The following EPHB1 variants were observed in gnomAD, a reference collection of about 807,000 sequenced individuals.
EPHB1 encodes the protein ephrin type-B receptor 1.
A neutral mutation model predicts 94.4 loss-of-function variants in EPHB1; 30 were observed. The observed-to-expected ratio is 0.32, with a 90% confidence interval of 0.24 to 0.43. The LOEUF (loss-of-function observed/expected upper bound fraction) is 0.43. Ranked by LOEUF, EPHB1 falls within the 20% of genes least tolerant of loss-of-function variation. EPHB1 has a pLI of 1.00. For missense variants in EPHB1, 1,055 were observed against 1,308.3 expected, an observed-to-expected ratio of 0.81 and a Z score of 2.99; for synonymous variants, 522 against 489.1, an observed-to-expected ratio of 1.07 and a Z score of -0.89.
intron 1 of EPHB1, among the ~76,000 whole-genome samples, chr3:134,915,041 G>C (rs565072755): frequency 7.6e-4 from 116 of 152,214 alleles, no homozygotes; most frequent in Admixed American, 2.2e-3. Context: ...GGGTATCTTT[G>C]GAGGAAGCAC....
chr3:135,216,622 C>T (rs11923387), intron 12 of EPHB1, among the ~76,000 whole-genome samples: 34,758 of 149,808 alleles, frequency 0.23, 4,433 homozygotes, highest in Non-Finnish European at 0.29. Flanking sequence ...ACTTGAGAGG[C>T]TGAGACATGA....
intron 3 of EPHB1, among the ~76,000 whole-genome samples, chr3:134,961,964 T>C (rs1341009364): frequency 1.3e-5 from 2 of 152,214 alleles, no homozygotes; most frequent in Non-Finnish European, 2.9e-5. Flanking sequence ...CCAAGCACTT[T>C]TCTAAGCACT....
intron 15 of EPHB1, among the ~76,000 whole-genome samples, chr3:135,250,629 G>A (rs1053889207): frequency 6.6e-6 from 1 of 152,048 alleles, no homozygotes. Flanking sequence ...ATTAAGGTTG[G>A]TAAGGGTAAA....
intron 3 of EPHB1, chr3:134,978,035 A>G (rs1438595579): frequency 4.4e-6 from 2 of 454,982 alleles, no homozygotes; most frequent in East Asian, 7.0e-5. Flanking sequence ...TTTCTGCCAC[A>G]CTCACACAGC....
intron 12 of EPHB1, among the ~76,000 whole-genome samples, chr3:135,218,892 GC>G (rs1175454687): frequency 1.3e-5 from 2 of 152,218 alleles, no homozygotes; most frequent in African/African-American, 4.8e-5. Context: ...CTGTGTTGAA[GC>G]CCAAGGACGA....
chr3:135,176,947 G>A (rs949605676), intron 9 of EPHB1, among the ~76,000 whole-genome samples: 1 of 152,032 alleles, frequency 6.6e-6, no homozygotes, highest in African/African-American at 2.4e-5. Flanking sequence ...ATAACCCTAA[G>A]CGGCTTACAA....
chr3:135,172,367 C>T (rs1941829146), intron 9 of EPHB1, among the ~76,000 whole-genome samples: 1 of 152,242 alleles, frequency 6.6e-6, no homozygotes, highest in South Asian at 2.1e-4. Flanking sequence ...TGCTTCCTCA[C>T]TAGAGCTGTC....
chr3:134,996,098 T>C (rs1934985728), intron 3 of EPHB1, among the ~76,000 whole-genome samples: 1 of 152,220 alleles, frequency 6.6e-6, no homozygotes, highest in Admixed American at 6.5e-5. Context: ...AACTTAGACA[T>C]CTAGGTAATT....
At chr3:135,099,293 T>C (rs1938938277) in intron 3 of EPHB1, among the ~76,000 whole-genome samples, 1 of 151,620 alleles carries the variant, frequency 6.6e-6, no homozygotes, top group African/African-American at 2.4e-5. Flanking sequence ...TTCAAACTAG[T>C]ACATTGGATG....
chr3:134,910,418 G>A (rs537458870), intron 1 of EPHB1, among the ~76,000 whole-genome samples: 40 of 152,330 alleles, frequency 2.6e-4, no homozygotes, highest in Admixed American at 2.0e-3. Flanking sequence ...ATGCACAGAG[G>A]CATTCACTGC....
intron 12 of EPHB1, among the ~76,000 whole-genome samples, chr3:135,225,822 T>G (rs1000404178): frequency 1.3e-5 from 2 of 151,692 alleles, no homozygotes; most frequent in Admixed American, 1.3e-4. Context: ...ACAGCCATAC[T>G]GTAAACCGTA....
chr3:135,124,184 G>C (rs746310821), intron 4 of EPHB1, among the ~76,000 whole-genome samples: 8 of 151,608 alleles, frequency 5.3e-5, no homozygotes, highest in Non-Finnish European at 1.2e-4. Flanking sequence ...TGCACATGCC[G>C]GTCCTTTGGG....
At chr3:134,854,236 C>T (rs1341727296) in intron 1 of EPHB1, among the ~76,000 whole-genome samples, 1 of 152,054 alleles carries the variant, frequency 6.6e-6, no homozygotes, top group African/African-American at 2.4e-5. Flanking sequence ...CAAATGTCTG[C>T]CGGAGTCAGT....
At chr3:134,884,305 A>G (rs1401448706) in intron 1 of EPHB1, among the ~76,000 whole-genome samples, 1 of 152,218 alleles carries the variant, frequency 6.6e-6, no homozygotes, top group Non-Finnish European at 1.5e-5. Context: ...TTGTTGGGTA[A>G]TGTACTGCTG....
chr3:134,892,956 C>T (rs940200650), intron 1 of EPHB1, among the ~76,000 whole-genome samples: 1 of 152,156 alleles, frequency 6.6e-6, no homozygotes, highest in African/African-American at 2.4e-5. Context: ...GGGTCAAGCC[C>T]CTTGCAAACA....
intron 3 of EPHB1, among the ~76,000 whole-genome samples, chr3:134,999,672 A>G (rs896404892): frequency 6.6e-6 from 1 of 152,186 alleles, no homozygotes; most frequent in Non-Finnish European, 1.5e-5. Context: ...TGAAGAAGGA[A>G]AAAGAAGGAT....
At chr3:134,958,413 AGTGTGTGTGTGT>A (rs3067407) in intron 3 of EPHB1, among the ~76,000 whole-genome samples, 43 of 97,738 alleles carry the variant, frequency 4.4e-4, no homozygotes, top group African/African-American at 1.3e-3. Flanking sequence ...AACACAAGGG[AGTGTGTGTGTGT>A]GTGTGTGTGT....
intron 1 of EPHB1, among the ~76,000 whole-genome samples, chr3:134,910,358 G>T (rs1162594115): frequency 1.3e-5 from 2 of 152,186 alleles, no homozygotes; most frequent in Non-Finnish European, 2.9e-5. Context: ...ACACCTCGAA[G>T]GCCAGCATGG....
intron 6 of EPHB1, among the ~76,000 whole-genome samples, chr3:135,160,955 T>G (rs933408371): frequency 6.6e-6 from 1 of 152,160 alleles, no homozygotes; most frequent in Non-Finnish European, 1.5e-5. Context: ...GAGATTGGAA[T>G]TGACTTCATT....
Sources: allele counts gnomAD v4.1 joint callset (sites outside exome capture counted in the v4.1 genomes callset), GRCh38; gene constraint gnomAD v4.1.1; transcripts MANE v1.5; gene names NCBI Gene and HGNC (gene_info 2026-07-23, HGNC 2026-07-21).